The following PDILT variants were observed in gnomAD, a reference collection of about 807,000 sequenced individuals.
PDILT encodes the protein protein disulfide-isomerase-like protein of the testis.
PDILT carries 43 observed loss-of-function variants against 53.7 expected under a neutral mutation model. That is an observed-to-expected ratio of 0.80 (90% CI 0.63 to 1.03). The LOEUF is 1.03. Among genes scored for constraint, PDILT ranks in the 50% least tolerant of loss-of-function variants. PDILT has a pLI of 0.00. For synonymous variants in PDILT, 282 were observed against 274.2 expected, an observed-to-expected ratio of 1.03 and a Z score of -0.28; for missense variants, 727 against 712.3, an observed-to-expected ratio of 1.02 and a Z score of -0.24.
At chr16:20,390,690 A>T (rs1966597482) in intron 2 of PDILT, 1 of 152,254 alleles carries the variant, frequency 6.6e-6, no homozygotes, top group Non-Finnish European at 1.5e-5. Flanking sequence ...TCTGGGAAAT[A>T]ACCGTATTCA....
chr16:20,398,185 G>A (rs79779835), intron 2 of PDILT, among the ~76,000 whole-genome samples: 1,931 of 152,278 alleles, frequency 0.013, 32 homozygotes, highest in African/African-American at 0.044. Flanking sequence ...TGGGGAAGTT[G>A]TTATGAAAAT....
intron 5 of PDILT, 48 bp from the exon 6 acceptor site, chr16:20,373,170 T>C (rs781768718): frequency 2.1e-6 from 3 of 1,431,720 alleles, no homozygotes; most frequent in Non-Finnish European, 2.9e-6. Flanking sequence ...TTTCATGATA[T>C]AGCCACTTAA....
intron 1 of PDILT, among the ~76,000 whole-genome samples, chr16:20,399,698 C>G (rs1378484818): frequency 2.0e-5 from 3 of 147,648 alleles, no homozygotes; most frequent in Non-Finnish European, 3.0e-5. Flanking sequence ...CACAGCCCCC[C>G]AGGAATCCCC....
At chr16:20,383,925 C>A (rs562009708) in intron 3 of PDILT, among the ~76,000 whole-genome samples, 1 of 152,310 alleles carries the variant, frequency 6.6e-6, no homozygotes, top group African/African-American at 2.4e-5. Flanking sequence ...TCCTCAACAT[C>A]AAGATAGGGC....
At chr16:20,360,759 C>G (rs992368092) in intron 10 of PDILT, 102 bp from the exon 11 acceptor site, 11 of 822,426 alleles carry the variant, frequency 1.3e-5, no homozygotes, top group Non-Finnish European at 2.3e-5. Flanking sequence ...CTAACAACCC[C>G]GGGTATGTTA....
chr16:20,365,677 T>G, intron 8 of PDILT, 137 bp from the exon 9 acceptor site: 1 of 1,116,632 alleles, frequency 9.0e-7, no homozygotes, highest in Non-Finnish European at 1.3e-6. Context: ...TTTGAAATAC[T>G]GAGATGGATC....
chr16:20,388,075 A>G (rs376487227), intron 2 of PDILT, among the ~76,000 whole-genome samples: 1 of 152,104 alleles, frequency 6.6e-6, no homozygotes, highest in Non-Finnish European at 1.5e-5. Flanking sequence ...GATATGGAAC[A>G]TGGTGAAAGA....
chr16:20,367,063 CTTTCT>C lies in PDILT; in HGVS notation c.1117-1528_1117-1524del, dbSNP rs1567320792. On this transcript the variant is annotated intron_variant, in intron 8 of 11. Coordinates refer to ENST00000302451, the MANE Select transcript of PDILT (RefSeq NM_174924.2). ...TCTTTCTTTCTTTCTTTCTTTCTTT[CTTTCT>C]TTCTTTCTTTCTTTCTTTCTTTCTT... Among the ~76,000 whole-genome samples the C allele has an allele frequency of 2.0e-4, 23 of 116,588 alleles. 1 individual carries two copies. Among genetic ancestry groups the C allele is most frequent in the African/African-American group, 7.7e-4 (22 of 28,650 alleles). 76.5% of individuals were successfully genotyped at this position (116,588 alleles called of 152,430 possible).
intron 1 of PDILT, among the ~76,000 whole-genome samples, chr16:20,403,014 G>A (rs977254695): frequency 3.9e-5 from 6 of 152,310 alleles, no homozygotes; most frequent in African/African-American, 1.4e-4. Flanking sequence ...CTACTCAGAG[G>A]AGAGTGGCTG....
chr16:20,371,340 G>T (rs376264830), intron 7 of PDILT, among the ~76,000 whole-genome samples: 7 of 152,256 alleles, frequency 4.6e-5, no homozygotes, highest in Admixed American at 2.0e-4. Flanking sequence ...GTGGAAGCAG[G>T]GAGATGAGTT....
At chr16:20,404,052 G>C (rs1186026228) in intron 1 of PDILT, among the ~76,000 whole-genome samples, 1 of 152,154 alleles carries the variant, frequency 6.6e-6, no homozygotes, top group Non-Finnish European at 1.5e-5. Context: ...GTACTTTGTT[G>C]TTGTTGTCAT....
chr16:20,362,845 G>A (rs919755723), intron 9 of PDILT, among the ~76,000 whole-genome samples: 7 of 151,902 alleles, frequency 4.6e-5, no homozygotes, highest in African/African-American at 1.7e-4. Flanking sequence ...AGGCTGAGGC[G>A]GGTGGATCAC....
chr16:20,388,102 C>T (rs532570118), intron 2 of PDILT, among the ~76,000 whole-genome samples: 12 of 152,028 alleles, frequency 7.9e-5, no homozygotes, highest in Admixed American at 5.9e-4. Flanking sequence ...TCAAGGGTGT[C>T]TCTGAGGTTT....
rs1966323947 is a variant in PDILT, at chr16:20,372,707, A to G, written c.918+95T>C. 2.0e-5 allele frequency: 29 copies of G among 1,417,492 alleles called. No homozygotes were observed. In the South Asian group the frequency reaches 4.4e-4, roughly 21 times the overall value. The allele number at this position is 1,417,492 out of a possible 1,614,324, so 87.8% of individuals were successfully genotyped here. On this transcript the variant is annotated intron_variant, in intron 7 of 11. Transcript: ENST00000302451. ...GCAAGTGCCAATCTTTCCTGATTCA[A>G]TTTATAATAAGCAGGGCAGGCAAAT...
In PDILT at chr16:20,359,586, A is replaced by G. The variant is rs1459070569; in HGVS notation, c.1507-19T>C. On this transcript the variant is annotated intron_variant, in intron 11 of 11. Transcript: ENST00000302451. ...ACAACAGCTATGAAAGCAAAGGTGG[A>G]AGGAAGAAGGGAGGGAGGGAAGAAA... is the stretch of plus-strand genomic sequence containing the variant. The G allele has an allele frequency of 4.4e-6, 7 of 1,604,088 alleles. No homozygotes were observed. The highest frequency in any genetic ancestry group is 6.0e-6 in the Non-Finnish European group (7 of 1,171,312).
chr16:20,399,902 G>T (rs1211780069), intron 1 of PDILT, among the ~76,000 whole-genome samples: 12 of 152,066 alleles, frequency 7.9e-5, no homozygotes, highest in Admixed American at 7.2e-4. Flanking sequence ...CAAGAAGGAA[G>T]TAAAAATCTC....
chr16:20,369,447 A>G, intron 8 of PDILT, 45 bp downstream of exon 8: 1 of 1,556,930 alleles, frequency 6.4e-7, no homozygotes, highest in East Asian at 2.3e-5. Context: ...TGAGAAGGAG[A>G]TGATTTTGAG....
intron 2 of PDILT, among the ~76,000 whole-genome samples, chr16:20,395,138 T>C (rs1966646822): frequency 6.6e-6 from 1 of 152,218 alleles, no homozygotes; most frequent in South Asian, 2.1e-4. Flanking sequence ...ACATTTAAGT[T>C]AGCCTATAAC....
rs536771282 is a variant in PDILT at position 20,374,681 on chromosome 16, G to A, written c.681+141C>T. On this transcript the variant is annotated intron_variant, in intron 5 of 11. Coordinates refer to ENST00000302451, the MANE Select transcript of PDILT (RefSeq NM_174924.2). ...GCTGGAAAGGTTGGAGCAACACTGG[G>A]AGACTGTGACTTCACAGAAGTCAAC... is the stretch of plus-strand genomic sequence containing the variant. 3.8e-5 allele frequency: 35 copies of A among 915,268 alleles called. No homozygotes were observed. In the African/African-American group the frequency reaches 5.3e-4, roughly 14 times the overall value. 56.7% of individuals were successfully genotyped at this position (915,268 alleles called of 1,614,324 possible).
Sources: gnomAD v4.1 joint callset for allele counts (sites outside exome capture counted in the v4.1 genomes callset) on GRCh38, gnomAD v4.1.1 for gene constraint, MANE v1.5 for transcripts, NCBI Gene and HGNC (gene_info 2026-07-23, HGNC 2026-07-21) for gene names.